The following CEP83 variants were observed in gnomAD, a reference collection of about 807,000 sequenced individuals.
CEP83 encodes centrosomal protein of 83 kDa.
CEP83 carries 70 observed loss-of-function variants against 101.9 expected under a neutral mutation model. That is an observed-to-expected ratio of 0.69 (90% CI 0.57 to 0.84). The LOEUF (loss-of-function observed/expected upper bound fraction) is 0.84. Ranked by LOEUF, CEP83 falls within the 40% of genes least tolerant of loss-of-function variation. CEP83 has a pLI of 0.00. For missense variants in CEP83, 715 were observed against 787.2 expected (o/e 0.91, Z 1.10); for synonymous variants, 264 against 267.9 (o/e 0.99, Z 0.14).
chr12:94,352,088 A>C (rs1462928727), intron 11 of CEP83, among the ~76,000 whole-genome samples: 2 of 152,252 alleles, frequency 1.3e-5, no homozygotes, highest in East Asian at 1.9e-4. Context: ...GAAAGAGACA[A>C]CTATTCTACC....
chr12:94,414,052 T>C (rs1036588150), intron 2 of CEP83, among the ~76,000 whole-genome samples: 1 of 152,348 alleles, frequency 6.6e-6, no homozygotes, highest in Non-Finnish European at 1.5e-5. Context: ...ATCTTTAAAC[T>C]ATAATTGCAG....
chr12:94,430,237 G>C (rs2065517526), intron 2 of CEP83, among the ~76,000 whole-genome samples: 1 of 151,678 alleles, frequency 6.6e-6, no homozygotes, highest in Non-Finnish European at 1.5e-5. Context: ...TACCTCCAAA[G>C]GAACATAATA....
intron 11 of CEP83, among the ~76,000 whole-genome samples, chr12:94,355,761 A>G (rs2060439500): frequency 6.6e-6 from 1 of 152,250 alleles, no homozygotes; most frequent in South Asian, 2.1e-4. Context: ...AAAACCGCTT[A>G]AAAGCATTCT....
At chr12:94,399,292 T>C (rs2063105347) in intron 6 of CEP83, among the ~76,000 whole-genome samples, 1 of 152,240 alleles carries the variant, frequency 6.6e-6, no homozygotes, top group African/African-American at 2.4e-5. Flanking sequence ...TTCCTCTCTT[T>C]GTACTCTTTA....
chr12:94,347,741 T>C (rs545614566), intron 11 of CEP83, among the ~76,000 whole-genome samples: 11 of 152,332 alleles, frequency 7.2e-5, no homozygotes, highest in African/African-American at 2.2e-4. Flanking sequence ...CATGGGCTAC[T>C]GATACACTCA....
chr12:94,437,634 A>G (rs980966919), intron 1 of CEP83, among the ~76,000 whole-genome samples: 4 of 152,284 alleles, frequency 2.6e-5, no homozygotes, highest in Admixed American at 6.5e-5. Flanking sequence ...AGCAAAACTA[A>G]ATTTTATAAT....
the CEP83 span, among the ~76,000 whole-genome samples, chr12:94,292,214 T>C: frequency 2.6e-5 from 4 of 152,204 alleles, no homozygotes; most frequent in Non-Finnish European, 5.9e-5. Flanking sequence ...TATGATTCTA[T>C]TTATATGATA....
At chr12:94,305,845 TTAAACCAAAAAC>T (rs1968948948), downstream of CEP83, 1 of 152,136 alleles carries the variant, frequency 6.6e-6, no homozygotes, top group Non-Finnish European at 1.5e-5. Context: ...GTGTGTGTGT[TTAAACCAAAAAC>T]TAACAGTGTT....
chr12:94,460,033 A>G (rs2068037411), upstream of CEP83: 1 of 152,468 alleles, frequency 6.6e-6, no homozygotes, highest in Non-Finnish European at 1.5e-5. Flanking sequence ...TTGCTGCCGG[A>G]GCCGTTAGAG....
rs555479466 is a variant in CEP83, at chr12:94,380,103, A to G, written c.550-1061T>C. Among the ~76,000 whole-genome samples the G allele has an allele frequency of 5.3e-5, 8 of 151,516 alleles. No individual in the cohort carries two copies. In the South Asian group the frequency reaches 1.7e-3, roughly 32 times the overall value. Reference sequence around the variant, plus strand: ...AAAAAAAAAAAAACAAAAAACAAAAACAGAAAAAACTAAAGAAATGCTCCA... The same window carrying G: ...AAAAAAAAAAAAACAAAAAACAAAAGCAGAAAAAACTAAAGAAATGCTCCA... On this transcript the variant is annotated intron_variant, in intron 6 of 16. Transcript: ENST00000397809.
intron 11 of CEP83, among the ~76,000 whole-genome samples, chr12:94,350,075 A>C (rs2060132252): frequency 6.6e-6 from 1 of 152,206 alleles, no homozygotes; most frequent in African/African-American, 2.4e-5. Flanking sequence ...TACTACCAAA[A>C]ATAATCTACA....
At chr12:94,314,690 T>C (rs1446030690) in intron 14 of CEP83, among the ~76,000 whole-genome samples, 1 of 152,224 alleles carries the variant, frequency 6.6e-6, no homozygotes, top group Non-Finnish European at 1.5e-5. Flanking sequence ...CATGCTTTGA[T>C]TGTCCCACAT....
At chr12:94,433,122 G>A (rs1360949854) in intron 2 of CEP83, among the ~76,000 whole-genome samples, 2 of 152,110 alleles carry the variant, frequency 1.3e-5, no homozygotes, top group African/African-American at 4.8e-5. Flanking sequence ...GGTAAGGTAG[G>A]GCCTAGAAGG....
intron 1 of CEP83, among the ~76,000 whole-genome samples, chr12:94,449,504 C>T (rs2067069444): frequency 6.6e-6 from 1 of 151,850 alleles, no homozygotes; most frequent in African/African-American, 2.4e-5. Context: ...AGCCTGTAGT[C>T]CCAGCACTTT....
chr12:94,298,755 A>T, the CEP83 span: 1 of 1,613,128 alleles, frequency 6.2e-7, no homozygotes, highest in Non-Finnish European at 8.5e-7. Flanking sequence ...AAACAAAAAA[A>T]TCACAGATCC....
At chr12:94,422,750 G>T (rs1408123026) in intron 2 of CEP83, among the ~76,000 whole-genome samples, 1 of 152,222 alleles carries the variant, frequency 6.6e-6, no homozygotes, top group Non-Finnish European at 1.5e-5. Context: ...CCAAATAGCT[G>T]TGAGATTCAC....
In CEP83 at chr12:94,309,894, TCCCCCTAAAA is replaced by T; in HGVS notation, c.2001+14_2001+23del. 1 of 1,367,016 alleles carries T rather than the reference TCCCCCTAAAA, an allele frequency of 7.3e-7. No homozygotes were observed. The highest frequency in any genetic ancestry group is 2.5e-5 in the Admixed American group (1 of 39,620). 84.7% of individuals were successfully genotyped at this position (1,367,016 alleles called of 1,614,324 possible). On this transcript the variant is annotated intron_variant, in intron 16 of 16. Transcript: ENST00000397809. ...CTACAAAAATGTACGACTTTTTTTT[TCCCCCTAAAA>T]TAAATGCTCATACCTGCATATGAGG...
the CEP83 span, among the ~76,000 whole-genome samples, chr12:94,274,155 T>TG: frequency 2.2e-5 from 1 of 45,370 alleles, no homozygotes; most frequent in East Asian, 1.1e-3. Flanking sequence ...ACCCTGTCTC[T>TG]AAAAAAAAAA....
intron 11 of CEP83, among the ~76,000 whole-genome samples, chr12:94,346,865 T>C (rs1211837920): frequency 1.3e-5 from 2 of 152,144 alleles, no homozygotes; most frequent in South Asian, 2.1e-4. Context: ...TGGAGAAACC[T>C]TGTCTCTGCT....
Sources: allele counts gnomAD v4.1 joint callset (sites outside exome capture counted in the v4.1 genomes callset), GRCh38; gene constraint gnomAD v4.1.1; transcripts MANE v1.5; gene names NCBI Gene and HGNC (gene_info 2026-07-23, HGNC 2026-07-21).